Variants in NFIA observed in about 807,000 individuals in gnomAD.
The protein encoded by NFIA is nuclear factor 1 A-type.
A neutral mutation model predicts 62.8 loss-of-function variants in NFIA; 8 were observed. The ratio of observed to expected loss-of-function variants is 0.13; its 90% CI spans 0.07 to 0.23. The LOEUF (loss-of-function observed/expected upper bound fraction) is 0.23. Ranked by LOEUF, NFIA falls within the 10% of genes least tolerant of loss-of-function variation. The pLI is 1.00. For missense variants in NFIA, 410 were observed against 642.1 expected (o/e 0.64, Z 3.91); for synonymous variants, 235 against 238.1 (o/e 0.99, Z 0.12).
chr1:61,308,981 A>G (rs1447409505), intron 3 of NFIA, among the ~76,000 whole-genome samples: 1 of 152,190 alleles, frequency 6.6e-6, no homozygotes, highest in African/African-American at 2.4e-5. Context: ...CCATGCCATC[A>G]TTTAGTAACC....
At chr1:61,210,401 T>G (rs1194722479) in intron 2 of NFIA, among the ~76,000 whole-genome samples, 1 of 152,170 alleles carries the variant, frequency 6.6e-6, no homozygotes, top group Non-Finnish European at 1.5e-5. Flanking sequence ...TTAATGTACT[T>G]TTTTCCCCCA....
intron 6 of NFIA, among the ~76,000 whole-genome samples, chr1:61,368,940 G>A (rs1663740459): frequency 6.6e-6 from 1 of 152,168 alleles, no homozygotes; most frequent in African/African-American, 2.4e-5. Context: ...AAGGAAGGAA[G>A]GGTAACTGGT....
At chr1:61,208,837 C>G (rs1297189339) in intron 2 of NFIA, among the ~76,000 whole-genome samples, 1 of 151,978 alleles carries the variant, frequency 6.6e-6, no homozygotes, top group Non-Finnish European at 1.5e-5. Flanking sequence ...TGTCTGGAGT[C>G]TAAGATGGAA....
At chr1:61,247,829 C>G (rs1655749469) in intron 2 of NFIA, among the ~76,000 whole-genome samples, 1 of 152,250 alleles carries the variant, frequency 6.6e-6, no homozygotes, top group Non-Finnish European at 1.5e-5. Flanking sequence ...CAGAAATGGT[C>G]TACTGCCAAC....
At chr1:61,369,240 TAC>T (rs1663759099) in intron 6 of NFIA, among the ~76,000 whole-genome samples, 1 of 152,190 alleles carries the variant, frequency 6.6e-6, no homozygotes. Context: ...TATCATACTA[TAC>T]TCATGGACCC....
At chr1:61,175,173 A>T (rs189640089) in intron 2 of NFIA, among the ~76,000 whole-genome samples, 8 of 151,710 alleles carry the variant, frequency 5.3e-5, no homozygotes, top group African/African-American at 1.9e-4. Context: ...ACAGGATCTC[A>T]CTCTCTTGCC....
intron 3 of NFIA, among the ~76,000 whole-genome samples, chr1:61,290,768 G>A (rs1658830167): frequency 6.6e-6 from 1 of 152,128 alleles, no homozygotes; most frequent in African/African-American, 2.4e-5. Flanking sequence ...CTTAGCACGT[G>A]CTCCACCAGT....
At chr1:61,077,494 A>G, upstream of NFIA, 1 of 849,188 alleles carries the variant, frequency 1.2e-6, no homozygotes, top group Non-Finnish European at 1.6e-6. Context: ...CAGCTTTTTA[A>G]AAAATCTCTT....
At chr1:61,233,994 A>G (rs1654830989) in intron 2 of NFIA, among the ~76,000 whole-genome samples, 1 of 152,222 alleles carries the variant, frequency 6.6e-6, no homozygotes, top group Non-Finnish European at 1.5e-5. Flanking sequence ...TGACCTCTTA[A>G]CTGTTTCTTG....
chr1:61,123,691 G>T (rs1217797699), intron 2 of NFIA, among the ~76,000 whole-genome samples: 2 of 39,062 alleles, frequency 5.1e-5, no homozygotes, highest in Non-Finnish European at 1.1e-4. Flanking sequence ...ATCCAGTGAG[G>T]GGGGAAGGCT....
At chr1:61,315,733 T>C (rs889130663) in intron 3 of NFIA, among the ~76,000 whole-genome samples, 1 of 152,226 alleles carries the variant, frequency 6.6e-6, no homozygotes, top group African/African-American at 2.4e-5. Flanking sequence ...CTTAATTTTG[T>C]TTCCTGTATA....
intron 6 of NFIA, among the ~76,000 whole-genome samples, chr1:61,371,467 AT>A (rs958566433): frequency 1.6e-4 from 25 of 152,200 alleles, no homozygotes; most frequent in South Asian, 2.1e-4. Flanking sequence ...TTCATTTAGA[AT>A]AAAAAAAAAT....
intron 2 of NFIA, among the ~76,000 whole-genome samples, chr1:61,276,239 C>T (rs1351262551): frequency 6.6e-6 from 1 of 152,108 alleles, no homozygotes; most frequent in African/African-American, 2.4e-5. Flanking sequence ...TCTTCGTTTG[C>T]TTAAAAGCAG....
At chr1:61,224,479 C>A (rs1433927106) in intron 2 of NFIA, among the ~76,000 whole-genome samples, 1 of 152,212 alleles carries the variant, frequency 6.6e-6, no homozygotes, top group Non-Finnish European at 1.5e-5. Flanking sequence ...ATGCAACCCC[C>A]ATTAACCTCC....
At chr1:61,215,922 C>T (rs926778177) in intron 2 of NFIA, among the ~76,000 whole-genome samples, 19 of 152,206 alleles carry the variant, frequency 1.2e-4, no homozygotes, top group African/African-American at 4.6e-4. Context: ...TCAGCATTCA[C>T]GTACCTTGCT....
chr1:61,090,592 T>G (rs1225418246), intron 2 of NFIA, among the ~76,000 whole-genome samples: 3 of 152,224 alleles, frequency 2.0e-5, no homozygotes. Context: ...TTGTTGGTTG[T>G]TGCAATGCCT....
At chr1:61,440,201 G>A (rs1667513024) in intron 10 of NFIA, among the ~76,000 whole-genome samples, 1 of 152,116 alleles carries the variant, frequency 6.6e-6, no homozygotes, top group African/African-American at 2.4e-5. Context: ...CATTCCCATG[G>A]GGCAGAAGTT....
chr1:61,421,985 A>C (rs182891963), intron 9 of NFIA, among the ~76,000 whole-genome samples: 1 of 152,286 alleles, frequency 6.6e-6, no homozygotes, highest in East Asian at 1.9e-4. Context: ...CAACTGGCTG[A>C]GTGTGGTGGC....
chr1:61,320,130 A>G (rs1660605711), intron 3 of NFIA, among the ~76,000 whole-genome samples: 1 of 151,958 alleles, frequency 6.6e-6, no homozygotes, highest in Non-Finnish European at 1.5e-5. Context: ...TTTAAACAAG[A>G]AAAATCCAGC....
Sources: allele counts gnomAD v4.1 joint callset (sites outside exome capture counted in the v4.1 genomes callset), GRCh38; gene constraint gnomAD v4.1.1; transcripts MANE v1.5; gene names NCBI Gene and HGNC (gene_info 2026-07-23, HGNC 2026-07-21).